Variants in TTN observed in about 807,000 individuals in gnomAD.
The protein encoded by TTN is connectin.
In TTN, 1,525 loss-of-function variants were observed where a neutral mutation model predicts 3,223.0. The observed-to-expected ratio is 0.47, with a 90% CI of 0.45 to 0.49. The LOEUF is 0.49. Among genes scored for constraint, TTN ranks in the 20% least tolerant of loss-of-function variants. The pLI, the probability that TTN is intolerant of heterozygous loss-of-function variation, is 0.00. For synonymous variants in TTN, 14,094 were observed against 15,161.0 expected (o/e 0.93, Z 5.17); for missense variants, 40,786 against 43,424.0 (o/e 0.94, Z 5.40).
Position 178,589,677 on chromosome 2 carries a change from G to C in TTN, c.62048C>G (p.Thr20683Arg). 1 of 1,613,508 alleles carries C rather than the reference G, an allele frequency of 6.2e-7. No individual in the cohort carries two copies. Among genetic ancestry groups the C allele is most frequent in the Non-Finnish European group, 8.5e-7 (1 of 1,179,602 alleles). ...ENLHIADKGK[T>R]FVYLKWRRPD... ...CCTCCGCCACTTTAGATAGACAAAT[G>C]TCTTTCCTTTATCTGCAATGTGAAG... is the stretch of plus-strand genomic sequence containing the variant. The change falls in exon 304 of 363, where the codon ACA (threonine) becomes AGA (arginine). Residue 20683 changes from threonine to arginine, a missense_variant. By Grantham distance (71) the Thr-to-Arg change is moderately conservative. Coordinates refer to ENST00000589042, the MANE Select transcript of TTN (RefSeq NM_001267550.2).
In TTN at chr2:178,654,026, G is replaced by A. The variant is rs769515243; in HGVS notation, c.38450C>T (p.Ala12817Val). The A allele has an allele frequency of 3.9e-5, 61 of 1,578,212 alleles. 1 individual carries two copies. The highest frequency in any genetic ancestry group is 5.1e-5 in the Non-Finnish European group (60 of 1,170,464). ...IPKAPIKKPEAPAVTVPEVPQ... is the reference protein window; with the variant it reads ...IPKAPIKKPEVPAVTVPEVPQ... ...CTGACATGTACCTGTAACTGCGGGG[G>A]CTTCTGGTTTTTTGATTGGTGCCTT... Residue 12817 changes from alanine (A) to valine (V), a missense_variant, in exon 194 of 363, where the codon GCC (alanine) becomes GTC (valine). Transcript: ENST00000589042.
Position 178,652,829 on chromosome 2 carries a change from TA to T in TTN, c.38959+18del. ...TAGAGGAGTTTGATCTTCTGAAGCCTAAAGCCAGTGACAAATACCTTTAACA... is the reference window on the plus strand; with the variant it reads ...TAGAGGAGTTTGATCTTCTGAAGCCTAAGCCAGTGACAAATACCTTTAACA... On this transcript the variant is annotated intron_variant, in intron 200 of 362. Transcript: ENST00000589042. The T allele has an allele frequency of 6.2e-7, 1 of 1,609,746 alleles. No individual in the cohort carries two copies. Among genetic ancestry groups the T allele is most frequent in the Non-Finnish European group, 8.5e-7 (1 of 1,178,420 alleles).
Position 178,607,189 on chromosome 2 carries a change from C to A in TTN, c.53413G>T (p.Asp17805Tyr), listed in dbSNP as rs1051218836. The stretch of plus-strand genomic sequence containing the variant: ...TGTCTCCAAGTATGCATCTTGGCAT[C>A]TTTTCTTTCAATGATAAAGCCTGTT... ...EITGFIIERK[D>Y]AKMHTWRQPI... Residue 17805 changes from aspartate (D) to tyrosine (Y), a missense_variant, in exon 278 of 363, where the codon GAT becomes TAT. Physicochemically the swap from Asp to Tyr is radical, Grantham distance 160. Transcript: ENST00000589042. 1.9e-6 allele frequency: 3 copies of A among 1,612,990 alleles called. No homozygotes were observed. The highest frequency in any genetic ancestry group is 1.7e-4 in the Middle Eastern group (1 of 6,052).
intron 13 of TTN, 120 bp downstream of exon 13, chr2:178,789,240 G>A: frequency 1.5e-6 from 2 of 1,360,018 alleles, no homozygotes; most frequent in East Asian, 4.7e-5. Flanking sequence ...GGTTAATAGT[G>A]ACTCATACAT....
rs780478945 is a variant in TTN, at chr2:178,541,562, T to C, written c.97515A>G (p.Thr32505=). ...CACGGGAAACATCAAATATCTGTAA[T>C]GTTTCTGGGGGTCCAGGAATACCTG... The part of the protein sequence containing the change: ...SSIRIPGPPE[T]LQIFDVSRDG... Residue 32505 remains threonine, a synonymous_variant, in exon 350 of 363, where the codon ACA becomes ACG. Coordinates refer to ENST00000589042, the MANE Select transcript of TTN (RefSeq NM_001267550.2). 6.2e-7 allele frequency: 1 copy of C among 1,610,220 alleles called. No individual in the cohort carries two copies. The highest frequency in any genetic ancestry group is 1.1e-5 in the South Asian group (1 of 90,464).
chr2:178,563,597 T>G lies in TTN; in HGVS notation c.82535A>C (p.Glu27512Ala). 1 of 1,613,772 alleles carries G rather than the reference T, an allele frequency of 6.2e-7. No homozygotes were observed. The highest frequency in any genetic ancestry group is 1.1e-5 in the South Asian group (1 of 91,078). Residue 27512 changes from glutamate to alanine, a missense_variant, in exon 326 of 363, where the codon GAA (glutamate) becomes GCA (alanine). By Grantham distance (107) the Glu-to-Ala change is moderately radical. Coordinates refer to ENST00000589042, the MANE Select transcript of TTN (RefSeq NM_001267550.2). The surrounding 1 kb of genome is among the most constrained non-coding windows in gnomAD (Gnocchi z 4.5). ...GTTGCACTTGGTCCATCTAACGCCT[T>G]CCTTATCTCGTTTTTCAAGAATGTA... is the stretch of plus-strand genomic sequence containing the variant. The part of the protein sequence containing the change: ...EGYILEKRDK[E>A]GVRWTKCNKK...
intron 6 of TTN, among the ~76,000 whole-genome samples, chr2:178,798,049 ATATACTTGGATCTAT>A (rs1247289685): frequency 6.6e-6 from 1 of 151,922 alleles, no homozygotes; most frequent in Non-Finnish European, 1.5e-5. Context: ...TGAATTCCCT[ATATACTTGGATCTAT>A]TATACTTGGA....
In TTN at chr2:178,684,095, A is replaced by G; in HGVS notation, c.32723-13T>C. On this transcript the variant is annotated splice_polypyrimidine_tract_variant and intron_variant, in intron 132 of 362. Coordinates refer to ENST00000589042, the MANE Select transcript of TTN (RefSeq NM_001267550.2). ...GGTTCCTCTGGCACTTTAAAGAGAG[A>G]TTTCACTTTAAAGTATTGTTTCCCT... The G allele has an allele frequency of 6.2e-7, 1 of 1,610,680 alleles. No homozygotes were observed.
Position 178,642,300 on chromosome 2 carries a change from T to C in TTN, c.40495A>G (p.Lys13499Glu). 2 of 1,592,730 alleles carry C rather than the reference T, an allele frequency of 1.3e-6. No homozygotes were observed. Among genetic ancestry groups the C allele is most frequent in the Non-Finnish European group, 8.6e-7 (1 of 1,168,724 alleles). ...CGTTCCGGAAGTAATTTGCGAACTT[T>C]CTTTTCACCTCCAGGCACTTAAAAG... The part of the protein sequence containing the change: ...TPLKVPGGEK[K>E]VRKLLPERKP... The change falls in exon 219 of 363, where the codon AAA (lysine) becomes GAA (glutamate). Residue 13499 changes from lysine (K) to glutamate (E), a missense_variant. Lys to Glu is a moderately conservative substitution (Grantham distance 56, BLOSUM62 1). Coordinates refer to ENST00000589042, the MANE Select transcript of TTN (RefSeq NM_001267550.2).
In TTN at chr2:178,533,611, G is replaced by A; in HGVS notation, c.103004C>T (p.Ala34335Val). The A allele has an allele frequency of 6.2e-7, 1 of 1,613,902 alleles. No homozygotes were observed. The change falls in exon 358 of 363, where the codon GCA becomes GTA. Residue 34335 changes from alanine to valine, a missense_variant. Ala to Val is a moderately conservative substitution (Grantham distance 64, BLOSUM62 0). Coordinates refer to ENST00000589042, the MANE Select transcript of TTN (RefSeq NM_001267550.2). ...TDDDAEYTVV[A>V]RNKYGEDSCK... ...GCTGTCTTCACCATATTTGTTCCTT[G>A]CCACAACAGTATATTCAGCGTCATC...
chr2:178,592,294 A>G lies in TTN; in HGVS notation c.59627-17T>C, dbSNP rs573407541. 6.9e-6 allele frequency: 11 copies of G among 1,603,908 alleles called. No individual in the cohort carries two copies. The highest frequency in any genetic ancestry group is 8.5e-6 in the Non-Finnish European group (10 of 1,177,612). On this transcript the variant is annotated splice_polypyrimidine_tract_variant and intron_variant, in intron 301 of 362. Transcript: ENST00000589042. Reference sequence around the variant, plus strand: ...CAGGTTTATCTAAAAAGTGTTAAATAACAGTTTGATAAGTAATTTTATCCA... The same window carrying G: ...CAGGTTTATCTAAAAAGTGTTAAATGACAGTTTGATAAGTAATTTTATCCA...
Position 178,667,238 on chromosome 2 carries a change from T to G in TTN, c.35795A>C (p.Glu11932Ala). The G allele has an allele frequency of 6.3e-7, 1 of 1,596,322 alleles. No homozygotes were observed. Among genetic ancestry groups the G allele is most frequent in the Non-Finnish European group, 8.5e-7 (1 of 1,170,968 alleles). ...TTTTCCTAACTAGAGAATTATACCT[T>G]CAGTTGGAGGATGTTCTGGAATTTC... ...IPEIPEHPPT[E>A]EFEVFKEVIP... The change falls in exon 162 of 363, where the codon GAA becomes GCA. Residue 11932 changes from glutamate to alanine, a missense_variant and splice_region_variant. Transcript: ENST00000589042.
chr2:178,715,114 A>C lies in TTN; in HGVS notation c.26072T>G (p.Ile8691Arg), dbSNP rs1354912931. ...ACTGGTTAGGAAGTTCTCAGACATTATCTTGTACTTCTTGCCGCTCCTAAG... is the reference window on the plus strand; with the variant it reads ...ACTGGTTAGGAAGTTCTCAGACATTCTCTTGTACTTCTTGCCGCTCCTAAG... ...RELRSGKKYK[I>R]MSENFLTSIH... Residue 8691 changes from isoleucine (I) to arginine (R), a missense_variant, in exon 90 of 363, where the codon ATA (isoleucine) becomes AGA (arginine). By Grantham distance (97) the Ile-to-Arg change is moderately conservative. Transcript: ENST00000589042. 1 of 1,613,760 alleles carries C rather than the reference A, an allele frequency of 6.2e-7. No individual in the cohort carries two copies. The highest frequency in any genetic ancestry group is 8.5e-7 in the Non-Finnish European group (1 of 1,179,726).
chr2:178,600,806 G>C, intron 288 of TTN, 48 bp downstream of exon 288: 1 of 1,606,106 alleles, frequency 6.2e-7, no homozygotes, highest in Non-Finnish European at 8.5e-7. Context: ...GAACACCTAG[G>C]AAGGCAGCTG....
In TTN at chr2:178,563,310, C is replaced by G; in HGVS notation, c.82822G>C (p.Glu27608Gln). Residue 27608 changes from glutamate to glutamine, a missense_variant, in exon 326 of 363, where the codon GAG (glutamate) becomes CAG (glutamine). Glu to Gln is a conservative substitution (Grantham distance 29). Transcript: ENST00000589042. This position sits in a 1 kb window ranked among gnomAD's most constrained non-coding sequence, Gnocchi z 4.5. ...GGAPVKGYVV[E>Q]VKEAAADEWT... ...TCATCCGCAGCAGCTTCTTTGACCT[C>G]TACAACATAGCCTTTAACAGGTGCG... 1.2e-6 allele frequency: 2 copies of G among 1,613,630 alleles called. No individual in the cohort carries two copies. Among genetic ancestry groups the G allele is most frequent in the Non-Finnish European group, 1.7e-6 (2 of 1,179,702 alleles).
At chr2:178,730,037 A>T in intron 62 of TTN, 56 bp downstream of exon 62, 1 of 759,590 alleles carries the variant, frequency 1.3e-6, no homozygotes, top group Non-Finnish European at 2.1e-6. Context: ...GCCCCGGCCC[A>T]CCCCAGGCAA....
At position 178,731,515 on chromosome 2, in the gene TTN, C is replaced by T. The variant is rs759726984; in HGVS notation, c.17251G>A (p.Ala5751Thr). The T allele has an allele frequency of 6.2e-6, 10 of 1,613,362 alleles. No individual in the cohort carries two copies. The highest frequency in any genetic ancestry group is 4.4e-5 in the South Asian group (4 of 91,052). The part of the protein sequence containing the change: ...SLRGGTAAFQ[A>T]TLKGSLPITV... ...ATTGGCAAGGAGCCCTTCAGAGTGG[C>T]CTGGAAGGCAGCTGTGCCTCCCCGG... The change falls in exon 59 of 363, where the codon GCC (alanine) becomes ACC (threonine). Residue 5751 changes from alanine (A) to threonine (T), a missense_variant. By Grantham distance (58) the Ala-to-Thr change is moderately conservative. Coordinates refer to ENST00000589042, the MANE Select transcript of TTN (RefSeq NM_001267550.2).
intron 213 of TTN, among the ~76,000 whole-genome samples, chr2:178,648,895 T>C (rs962782842): frequency 8.5e-5 from 13 of 152,172 alleles, no homozygotes; most frequent in African/African-American, 3.1e-4. Context: ...TTCTATCCTC[T>C]CACCAGATTT....
chr2:178,797,242 A>AT (rs140929785), intron 6 of TTN, among the ~76,000 whole-genome samples: 6,873 of 151,288 alleles, frequency 0.045, 288 homozygotes, highest in Admixed American at 0.14. Context: ...GAGACTGAAC[A>AT]TTTTTTTTTA....
Sources: gnomAD v4.1 joint callset for allele counts (sites outside exome capture counted in the v4.1 genomes callset) on GRCh38, gnomAD v4.1.1 for gene constraint, Gnocchi (gnomAD v3.1) non-coding constraint, MANE v1.5 for transcripts, NCBI Gene and HGNC (gene_info 2026-07-23, HGNC 2026-07-21) for gene names.